The following SOX13 variants were observed in gnomAD, a reference collection of about 807,000 sequenced individuals.
The protein encoded by SOX13 is transcription factor SOX-13.
Under a neutral mutation model 71.8 loss-of-function variants are expected in SOX13, and 28 were observed. That is an observed-to-expected ratio of 0.39 (90% CI 0.29 to 0.53). SOX13 has a LOEUF of 0.53. SOX13 is among the 20% of genes least tolerant of loss of function. The pLI, the probability that SOX13 is intolerant of heterozygous loss-of-function variation, is 0.70. For missense variants in SOX13, 627 were observed against 810.3 expected (o/e 0.77, Z 2.75); for synonymous variants, 309 against 317.8 (o/e 0.97, Z 0.29).
At chr1:204,102,301 C>T (rs1395518073) in intron 1 of SOX13, among the ~76,000 whole-genome samples, 6 of 152,354 alleles carry the variant, frequency 3.9e-5, no homozygotes, top group Non-Finnish European at 7.3e-5. Flanking sequence ...CTATGGTCCC[C>T]ACCTTCCTCT....
rs763875353 is a variant in SOX13 at position 204,117,705 on chromosome 1, C to T, written c.773C>T (p.Pro258Leu). Residue 258 changes from proline to leucine, a missense_variant and splice_region_variant, in exon 7 of 14, where the codon CCA becomes CTA. By Grantham distance (98) the Pro-to-Leu change is moderately conservative. Transcript: ENST00000367204. ...ALPIQPIPCKPVEYPLQLLHS... is the reference protein window; with the variant it reads ...ALPIQPIPCKLVEYPLQLLHS... ...CCCATTCAGCCCATTCCCTGCAAAC[C>T]AGGTGAGTGTGAGAAGGGAGGTTCC... 1.2e-6 allele frequency: 2 copies of T among 1,607,416 alleles called. No individual in the cohort carries two copies. The highest frequency in any genetic ancestry group is 2.7e-5 in the African/African-American group (2 of 74,934).
intron 4 of SOX13, 145 bp downstream of exon 4, chr1:204,114,750 C>A: frequency 1.5e-6 from 1 of 658,102 alleles, no homozygotes; most frequent in South Asian, 1.8e-5. Context: ...GGGGTCATCA[C>A]CATCCCTCGC....
chr1:204,124,642 A>T lies in SOX13; in HGVS notation c.1377A>T (p.Gly459=), dbSNP rs561576246. 180 of 1,608,422 alleles carry T rather than the reference A, an allele frequency of 1.1e-4. No homozygotes were observed. The Admixed American group carries it at 2.8e-3, about 25-fold the overall frequency. Reference sequence around the variant, plus strand: ...CCTGCCCCTGGGGGGTTGGGTCAGGATCTCGCTGGAAGTCCATGACCAACC... The same window carrying T: ...CCTGCCCCTGGGGGGTTGGGTCAGGTTCTCGCTGGAAGTCCATGACCAACC... ...MHNSSISKIL[G]SRWKSMTNQE... Residue 459 remains glycine, a splice_region_variant and synonymous_variant, in exon 13 of 14, where the codon GGA becomes GGT. Transcript: ENST00000367204.
intron 1 of SOX13, among the ~76,000 whole-genome samples, chr1:204,112,333 C>T (rs937620752): frequency 1.1e-4 from 16 of 151,236 alleles, no homozygotes; most frequent in Non-Finnish European, 2.2e-4. Flanking sequence ...TCCAGCTACT[C>T]GGGAGGCTGA....
At chr1:204,097,693 C>CAAAAAA (rs35230746) in intron 1 of SOX13, among the ~76,000 whole-genome samples, 2 of 69,918 alleles carry the variant, frequency 2.9e-5, no homozygotes, top group African/African-American at 1.0e-4. Flanking sequence ...AACTCCGTCT[C>CAAAAAA]AAAAAAAAAA....
At chr1:204,114,704 A>G in intron 4 of SOX13, 99 bp downstream of exon 4, 2 of 896,120 alleles carry the variant, frequency 2.2e-6, no homozygotes, top group South Asian at 1.4e-5. Flanking sequence ...CTTGGTACAT[A>G]CCTATCCTGT....
chr1:204,122,950 C>A lies in SOX13; in HGVS notation c.1121C>A (p.Thr374Asn). The A allele has an allele frequency of 6.3e-7, 1 of 1,586,768 alleles. No individual in the cohort carries two copies. The highest frequency in any genetic ancestry group is 8.6e-7 in the Non-Finnish European group (1 of 1,163,764). ...GGGGCCTTGGATGGCTCCCCCAACA[C>A]CCCCTTCCGTAAGGTATGGTCCCCC... is the stretch of plus-strand genomic sequence containing the variant. ...HSGALDGSPN[T>N]PFRKDLISLD... Residue 374 changes from threonine (T) to asparagine (N), a missense_variant, in exon 10 of 14, where the codon ACC (threonine) becomes AAC (asparagine). Around this residue, in one of 3 missense-constraint regions of SOX13, gnomAD observed 447 missense variants for 532.2 expected, o/e 0.84. Transcript: ENST00000367204.
In SOX13 at chr1:204,120,632, T is replaced by C. The variant is rs559754024; in HGVS notation, c.776-1268T>C. 2.2e-4 allele frequency among the ~76,000 whole-genome samples: 34 copies of C among 152,286 alleles called. No homozygotes were observed. The South Asian group carries it at 7.0e-3, about 32-fold the overall frequency. On this transcript the variant is annotated intron_variant, in intron 7 of 13. Transcript: ENST00000367204. ...CCCTCACACACCCCACCACTCCATC[T>C]CTACTTGCCCAAATCCTGCCCATCC... is the stretch of plus-strand genomic sequence containing the variant.
At position 204,122,850 on chromosome 1, in the gene SOX13, A is replaced by AC; in HGVS notation, c.1025-3dup. On this transcript the variant is annotated splice_region_variant and splice_polypyrimidine_tract_variant and intron_variant, in intron 9 of 13. Coordinates refer to ENST00000367204, the MANE Select transcript of SOX13 (RefSeq NM_005686.3). Reference sequence around the variant, plus strand: ...TCTTCCCTCTCTTCTGCCCTCTCCCACAGGCTTCCTTGGTGAAGGGGACGC... The same window carrying AC: ...TCTTCCCTCTCTTCTGCCCTCTCCCACCAGGCTTCCTTGGTGAAGGGGACGC... 1 of 1,544,546 alleles carries AC rather than the reference A, an allele frequency of 6.5e-7. No individual in the cohort carries two copies. The highest frequency in any genetic ancestry group is 8.8e-7 in the Non-Finnish European group (1 of 1,139,898).
chr1:204,122,421 C>T (rs1656829142), intron 9 of SOX13, 22 bp downstream of exon 9: 3 of 1,561,090 alleles, frequency 1.9e-6, no homozygotes, highest in Admixed American at 1.9e-5. Context: ...GCTGCCTGCA[C>T]TTGTCCCTCA....
intron 9 of SOX13, 103 bp from the exon 10 acceptor site, chr1:204,122,751 A>G: frequency 1.4e-6 from 1 of 710,812 alleles, no homozygotes; most frequent in Non-Finnish European, 2.4e-6. Flanking sequence ...CAGGTGCCTC[A>G]TGGGAGTGGC....
intron 1 of SOX13, among the ~76,000 whole-genome samples, chr1:204,080,906 CTTT>C (rs1180508830): frequency 7.3e-5 from 9 of 122,748 alleles, no homozygotes; most frequent in African/African-American, 1.3e-4. Flanking sequence ...CCTTTGTTGA[CTTT>C]TTTTTTTTTT....
chr1:204,114,245 T>C (rs1413894859), intron 2 of SOX13, 76 bp from the exon 3 acceptor site: 1 of 956,930 alleles, frequency 1.0e-6, no homozygotes, highest in East Asian at 2.6e-5. Context: ...GGTACACATC[T>C]TTGGGGTGCC....
intron 1 of SOX13, among the ~76,000 whole-genome samples, chr1:204,110,662 TATA>T (rs1045116710): frequency 1.6e-4 from 25 of 152,110 alleles, no homozygotes; most frequent in African/African-American, 5.8e-4. Context: ...TTTATTCAAT[TATA>T]ATGCTTATTT....
Position 204,123,263 on chromosome 1 carries a change from C to T in SOX13, c.1231+55C>T. On this transcript the variant is annotated intron_variant, in intron 11 of 13. Transcript: ENST00000367204. The surrounding 1 kb of genome is among the most constrained non-coding windows in gnomAD (Gnocchi z 5.0). The stretch of plus-strand genomic sequence containing the variant: ...AGGAGGGCCCAACTCTGTATTCCAC[C>T]AGGGCCAGGGCTGTGTCTGCCTCTG... The T allele has an allele frequency of 7.2e-7, 1 of 1,391,076 alleles. No homozygotes were observed. Among genetic ancestry groups the T allele is most frequent in the Non-Finnish European group, 1.0e-6 (1 of 977,854 alleles). The allele number at this position is 1,391,076 out of a possible 1,614,324, so 86.2% of individuals were successfully genotyped here. A position where few individuals can be genotyped will look rare whatever the true frequency, so the allele number is the denominator to read the frequency against.
intron 1 of SOX13, among the ~76,000 whole-genome samples, chr1:204,090,088 T>C (rs1656110943): frequency 6.6e-6 from 1 of 152,004 alleles, no homozygotes; most frequent in Non-Finnish European, 1.5e-5. Context: ...AGTGAACCCT[T>C]CGGTAGTGGT....
Position 204,086,696 on chromosome 1 carries a change from T to A in SOX13, c.-2+12985T>A, listed in dbSNP as rs376551572. ...GAAGTTTCTGGGTTTTGACTCTAAA[T>A]ATGGAGCCATTTACCTAATTTCTTT... On this transcript the variant is annotated intron_variant, in intron 1 of 13. Coordinates refer to ENST00000367204, the MANE Select transcript of SOX13 (RefSeq NM_005686.3). Among the ~76,000 whole-genome samples the A allele has an allele frequency of 8.5e-5, 13 of 152,316 alleles. No individual in the cohort carries two copies. In the East Asian group the frequency reaches 2.5e-3, roughly 29 times the overall value.
Position 204,122,404 on chromosome 1 carries a change from G to A in SOX13, c.1024+5G>A. On this transcript the variant is annotated splice_donor_5th_base_variant and intron_variant, in intron 9 of 13. Coordinates refer to ENST00000367204, the MANE Select transcript of SOX13 (RefSeq NM_005686.3). ...GCCCCCCGAGCCTGCCTCTGGGTAA[G>A]CCTCCTGCTGCCTGCACTTGTCCCT... The A allele has an allele frequency of 6.4e-7, 1 of 1,564,518 alleles. No individual in the cohort carries two copies. Among genetic ancestry groups the A allele is most frequent in the Non-Finnish European group, 8.7e-7 (1 of 1,154,830 alleles).
At chr1:204,119,827 G>C (rs1558221551) in intron 7 of SOX13, 1 of 149,982 alleles carries the variant, frequency 6.7e-6, no homozygotes, top group Non-Finnish European at 1.5e-5. Context: ...GGGCAACAAA[G>C]TGAGACCCTG....
Sources: gnomAD v4.1 joint callset for allele counts (sites outside exome capture counted in the v4.1 genomes callset) on GRCh38, gnomAD v4.1.1 for gene constraint, gnomAD v4.1.1 regional missense constraint, Gnocchi (gnomAD v3.1) non-coding constraint, MANE v1.5 for transcripts, NCBI Gene and HGNC (gene_info 2026-07-23, HGNC 2026-07-21) for gene names.